The following TEX9 variants were observed in gnomAD, a reference collection of about 807,000 sequenced individuals.
TEX9 encodes the protein testis expressed 9.
In TEX9, 74 loss-of-function variants were observed where a neutral mutation model predicts 59.6. That is an observed-to-expected ratio of 1.24 (90% CI 1.03 to 1.51). The LOEUF (loss-of-function observed/expected upper bound fraction) is 1.51. TEX9 is among the 40% of genes most tolerant of loss of function. The probability of loss-of-function intolerance (pLI) is 0.00; values close to 1 mark genes in which losing one functional copy is unlikely to be tolerated. For synonymous variants in TEX9, 186 were observed against 152.2 expected, an observed-to-expected ratio of 1.22 and a Z score of -1.64; for missense variants, 522 against 447.8, an observed-to-expected ratio of 1.17 and a Z score of -1.49.
intron 1 of TEX9, among the ~76,000 whole-genome samples, chr15:56,287,628 T>C (rs1409809952): frequency 6.6e-6 from 1 of 152,142 alleles, no homozygotes; most frequent in Non-Finnish European, 1.5e-5. Context: ...CTCTTAAACT[T>C]ATTCTTCCTA....
intron 1 of TEX9, among the ~76,000 whole-genome samples, chr15:56,314,237 A>G (rs1459563518): frequency 2.4e-5 from 2 of 85,088 alleles, no homozygotes. Flanking sequence ...TTTAATTGTG[A>G]TGTTAGGGTG....
At chr15:56,428,507 T>C (rs2050438429) in intron 12 of TEX9, 2 of 1,127,222 alleles carry the variant, frequency 1.8e-6, no homozygotes, top group Admixed American at 3.9e-5. Flanking sequence ...CTTATTGTAG[T>C]GGTTTGAATT....
chr15:56,449,251 G>A (rs1183333071), downstream of TEX9, among the ~76,000 whole-genome samples: 4 of 151,000 alleles, frequency 2.6e-5, no homozygotes, highest in Non-Finnish European at 4.4e-5. Flanking sequence ...TGTCAGAGGG[G>A]AAGTGTTTAA....
chr15:56,349,553 G>A (rs577400681), intron 1 of TEX9, among the ~76,000 whole-genome samples: 15 of 152,176 alleles, frequency 9.9e-5, no homozygotes, highest in Admixed American at 3.3e-4. Context: ...CAAATGCAGC[G>A]TTCCCTCAGA....
chr15:56,458,182 TATA>T, the TEX9 span, among the ~76,000 whole-genome samples: 1 of 152,216 alleles, frequency 6.6e-6, no homozygotes, highest in Admixed American at 6.5e-5. Context: ...ATAATTGAGA[TATA>T]ATTCATATAG....
chr15:56,350,712 C>T (rs898025078), intron 1 of TEX9, among the ~76,000 whole-genome samples: 10 of 152,042 alleles, frequency 6.6e-5, no homozygotes, highest in Admixed American at 2.6e-4. Context: ...TTATTCATTT[C>T]GCTAGGCCTT....
intron 1 of TEX9, among the ~76,000 whole-genome samples, chr15:56,343,972 C>A (rs2046419178): frequency 6.6e-6 from 1 of 152,098 alleles, no homozygotes; most frequent in Admixed American, 6.6e-5. Flanking sequence ...AGTGAGATAC[C>A]ACTTCACACC....
intron 1 of TEX9, among the ~76,000 whole-genome samples, chr15:56,277,770 G>T (rs2044708794): frequency 6.6e-6 from 1 of 152,174 alleles, no homozygotes; most frequent in African/African-American, 2.4e-5. Flanking sequence ...TGCACAGTTA[G>T]AATGTGTTGA....
At chr15:56,382,700 G>T (rs773946915) in intron 3 of TEX9, among the ~76,000 whole-genome samples, 31 of 152,256 alleles carry the variant, frequency 2.0e-4, no homozygotes, top group South Asian at 6.2e-4. Context: ...ACTCTGCCTG[G>T]CACCCTGTTG....
At chr15:56,456,565 A>G in the TEX9 span, 1 of 1,584,712 alleles carries the variant, frequency 6.3e-7, no homozygotes, top group Non-Finnish European at 8.5e-7. Flanking sequence ...CTAGAATCAG[A>G]TTTTTTTCAT....
chr15:56,405,588 TA>T (rs2049039811), intron 9 of TEX9, among the ~76,000 whole-genome samples: 5 of 152,336 alleles, frequency 3.3e-5, no homozygotes, highest in Admixed American at 3.3e-4. Flanking sequence ...AAGGCTTTTA[TA>T]AAAGCTTCCA....
chr15:56,318,900 A>T (rs184245046), intron 1 of TEX9, among the ~76,000 whole-genome samples: 12 of 152,230 alleles, frequency 7.9e-5, no homozygotes, highest in African/African-American at 2.2e-4. Flanking sequence ...TAATTTATGC[A>T]GTTGTTAAGA....
At chr15:56,444,420 G>A in intron 12 of TEX9, 1 of 1,577,440 alleles carries the variant, frequency 6.3e-7, no homozygotes. Context: ...ATTTAGACAT[G>A]TAAGAAAGTT....
chr15:56,427,706 G>C (rs770103127), exon 11 of TEX9: 34 of 1,503,200 alleles, frequency 2.3e-5, no homozygotes, highest in East Asian at 5.0e-5. Flanking sequence ...TCAAGAAACA[G>C]TTAAAATTAA....
At chr15:56,254,066 A>G (rs568091244) in intron 1 of TEX9, among the ~76,000 whole-genome samples, 2 of 152,300 alleles carry the variant, frequency 1.3e-5, no homozygotes, top group South Asian at 4.1e-4. Context: ...TATGAAGAGT[A>G]AATCAAGATG....
chr15:56,365,339 C>T (rs2046883610), upstream of TEX9: 2 of 1,398,902 alleles, frequency 1.4e-6, no homozygotes, highest in African/African-American at 2.9e-5. Context: ...GCTCGCAGCA[C>T]AGAACCTGAG....
At chr15:56,251,622 T>C (rs2141297889) in intron 1 of TEX9, among the ~76,000 whole-genome samples, 1 of 151,834 alleles carries the variant, frequency 6.6e-6, no homozygotes, top group Non-Finnish European at 1.5e-5. Context: ...CAGAAACCAT[T>C]AGACAACAAC....
At chr15:56,427,520 TTATTACTGTTGTGATGATAGTC>T in intron 10 of TEX9, 63 bp from the exon 11 acceptor site, 4 of 940,074 alleles carry the variant, frequency 4.3e-6, no homozygotes, top group Non-Finnish European at 5.9e-6. Context: ...AAAGTACTTT[TTATTACTGTTGTGATGATAGTC>T]TATAATTCTT....
At chr15:56,409,611 C>T (rs1191384362) in intron 9 of TEX9, among the ~76,000 whole-genome samples, 1 of 152,192 alleles carries the variant, frequency 6.6e-6, no homozygotes, top group Admixed American at 6.5e-5. Context: ...AGCAATCCTT[C>T]TGCCTCAGCC....
Sources: allele counts gnomAD v4.1 joint callset (sites outside exome capture counted in the v4.1 genomes callset), GRCh38; gene constraint gnomAD v4.1.1; transcripts MANE v1.5; gene names NCBI Gene and HGNC (gene_info 2026-07-23, HGNC 2026-07-21).